The following MINDY2 variants were observed in gnomAD, a reference collection of about 807,000 sequenced individuals.
MINDY2 encodes ubiquitin carboxyl-terminal hydrolase MINDY-2.
Under a neutral mutation model 68.2 loss-of-function variants are expected in MINDY2, and 52 were observed. That is an observed-to-expected ratio of 0.76 (90% CI 0.61 to 0.96). The LOEUF (loss-of-function observed/expected upper bound fraction) is 0.96. MINDY2 is among the 40% of genes least tolerant of loss of function. The pLI is 0.00. For missense variants in MINDY2, 881 were observed against 773.4 expected (o/e 1.14, Z -1.65); for synonymous variants, 372 against 303.0 (o/e 1.23, Z -2.36).
chr15:58,805,808 G>A (rs1299328750), intron 3 of MINDY2, among the ~76,000 whole-genome samples: 1 of 152,176 alleles, frequency 6.6e-6, no homozygotes, highest in African/African-American at 2.4e-5. Flanking sequence ...GGGCACAGTG[G>A]CACATGCCTG....
intron 3 of MINDY2, among the ~76,000 whole-genome samples, chr15:58,805,387 ACT>A (rs1331936894): frequency 6.6e-6 from 1 of 151,788 alleles, no homozygotes; most frequent in Non-Finnish European, 1.5e-5. Context: ...CCCATTTAAA[ACT>A]CTTTACCAGA....
At chr15:58,828,575 CTTTTTT>C (rs1163905877) in intron 5 of MINDY2, among the ~76,000 whole-genome samples, 81 of 106,118 alleles carry the variant, frequency 7.6e-4, no homozygotes, top group East Asian at 5.4e-3. Context: ...TATTGAATTT[CTTTTTT>C]TTTTTTTTTT....
At chr15:58,850,091 A>C (rs1470590008) in intron 7 of MINDY2, among the ~76,000 whole-genome samples, 2 of 152,150 alleles carry the variant, frequency 1.3e-5, no homozygotes, top group African/African-American at 4.8e-5. Context: ...TCTTATTTTG[A>C]GGGTAGATGG....
intron 2 of MINDY2, among the ~76,000 whole-genome samples, chr15:58,800,626 A>T (rs1256152640): frequency 8.0e-5 from 12 of 149,092 alleles, no homozygotes; most frequent in African/African-American, 2.9e-4. Flanking sequence ...TCCCATTGCC[A>T]TTCCAAGTTT....
chr15:58,795,509 G>A lies in MINDY2; in HGVS notation c.899-6804G>A, dbSNP rs1301167417. Among the ~76,000 whole-genome samples, 9 of 152,000 alleles carry A rather than the reference G, an allele frequency of 5.9e-5. No homozygotes were observed. In the East Asian group the frequency reaches 1.4e-3, roughly 23 times the overall value. Reference sequence around the variant, plus strand: ...CAAGCTCCACCTTCGGGTTCACGCCGTTCTCCTGCCTCAGCCTCCTGAGTA... The same window carrying A: ...CAAGCTCCACCTTCGGGTTCACGCCATTCTCCTGCCTCAGCCTCCTGAGTA... On this transcript the variant is annotated intron_variant, in intron 2 of 8. Coordinates refer to ENST00000559228, the MANE Select transcript of MINDY2 (RefSeq NM_001040450.3).
chr15:58,774,414 G>T (rs570857422), intron 1 of MINDY2, among the ~76,000 whole-genome samples: 2 of 151,284 alleles, frequency 1.3e-5, no homozygotes, highest in African/African-American at 4.9e-5. Context: ...AACCCAGGAG[G>T]TGGAGGTTGC....
In MINDY2 at chr15:58,772,204, C is replaced by T. The variant is rs375082729; in HGVS notation, c.809C>T (p.Ala270Val). 10 of 1,612,928 alleles carry T rather than the reference C, an allele frequency of 6.2e-6. No homozygotes were observed. The highest frequency in any genetic ancestry group is 8.5e-6 in the Non-Finnish European group (10 of 1,180,018). The change falls in exon 1 of 9, where the codon GCC (alanine) becomes GTC (valine). Residue 270 changes from alanine to valine, a missense_variant. By Grantham distance (64) the Ala-to-Val change is moderately conservative. Coordinates refer to ENST00000559228, the MANE Select transcript of MINDY2 (RefSeq NM_001040450.3). ...GAGAACGGACCCTGCCCCTTGCTGG[C>T]CATCCTCAATGTTTTGCTCCTGGCC... ...QNENGPCPLL[A>V]ILNVLLLAWK...
At position 58,856,063 on chromosome 15, in the gene MINDY2, C is replaced by T. The variant is rs1345269205; in HGVS notation, c.*1453C>T. 6.6e-6 allele frequency: 1 copy of T among 152,586 alleles called. No individual in the cohort carries two copies. Among genetic ancestry groups the T allele is most frequent in the Non-Finnish European group, 1.5e-5 (1 of 68,034 alleles). 9.5% of individuals were successfully genotyped at this position (152,586 alleles called of 1,614,324 possible). On this transcript the variant is annotated 3_prime_UTR_variant, in exon 9 of 9. Transcript: ENST00000559228. ...TTTATTTAACTTTATTATGAGGCCA[C>T]ACATATTTTCCTGTGTTTCTATATA...
intron 4 of MINDY2, among the ~76,000 whole-genome samples, chr15:58,812,768 G>A (rs1208622435): frequency 6.6e-6 from 1 of 152,218 alleles, no homozygotes; most frequent in African/African-American, 2.4e-5. Flanking sequence ...TGAGGTGGGA[G>A]GATCACTTGT....
intron 2 of MINDY2, among the ~76,000 whole-genome samples, chr15:58,798,458 A>ATTT (rs33978454): frequency 1.3e-3 from 186 of 144,054 alleles, no homozygotes; most frequent in Middle Eastern, 3.5e-3. Context: ...GTAAAAAAAA[A>ATTT]TTTTTTTTTT....
intron 1 of MINDY2, among the ~76,000 whole-genome samples, chr15:58,776,841 G>T: frequency 6.6e-6 from 1 of 151,756 alleles, no homozygotes; most frequent in East Asian, 1.9e-4. Flanking sequence ...GGGCAATATA[G>T]TGAGACCCCC....
At chr15:58,808,496 C>T (rs1186200226) in intron 3 of MINDY2, among the ~76,000 whole-genome samples, 3 of 152,108 alleles carry the variant, frequency 2.0e-5, no homozygotes, top group African/African-American at 7.2e-5. Context: ...GTTTTCTTTA[C>T]TACTACGCAT....
chr15:58,800,908 A>G (rs559194051), intron 2 of MINDY2, among the ~76,000 whole-genome samples: 11 of 152,176 alleles, frequency 7.2e-5, no homozygotes, highest in Admixed American at 5.9e-4. Context: ...CTCACAAAAA[A>G]TCAGTTAACT....
In MINDY2 at chr15:58,831,883, G is replaced by T. The variant is rs1314255397; in HGVS notation, c.1335G>T (p.Arg445=). 6.2e-7 allele frequency: 1 copy of T among 1,613,446 alleles called. No homozygotes were observed. Among genetic ancestry groups the T allele is most frequent in the Admixed American group, 1.7e-5 (1 of 59,954 alleles). ...VQEGELCVFF[R]NNHFSTMTKY... ...AAGGAGAACTTTGTGTGTTCTTTCG[G>T]AATAATCATTTTAGCACCATGACCA... The change falls in exon 6 of 9, where the codon CGG becomes CGT. Residue 445 remains arginine, a synonymous_variant. Transcript: ENST00000559228.
chr15:58,799,109 A>G (rs1902469350), intron 2 of MINDY2, among the ~76,000 whole-genome samples: 1 of 152,222 alleles, frequency 6.6e-6, no homozygotes. Flanking sequence ...GGAGAAGTGA[A>G]CAAGAATGAT....
chr15:58,826,746 CT>C (rs1164466108), intron 5 of MINDY2, among the ~76,000 whole-genome samples: 22 of 152,086 alleles, frequency 1.4e-4, no homozygotes, highest in African/African-American at 4.3e-4. Context: ...AGTAATGCCC[CT>C]AATAGCTTTT....
intron 3 of MINDY2, 70 bp from the exon 4 acceptor site, chr15:58,810,160 G>A (rs1222281889): frequency 7.5e-7 from 1 of 1,329,104 alleles, no homozygotes; most frequent in South Asian, 1.4e-5. Flanking sequence ...AAATGTGCTT[G>A]TACTTGAATA....
intron 1 of MINDY2, among the ~76,000 whole-genome samples, chr15:58,785,571 G>C (rs560621252): frequency 2.6e-5 from 4 of 152,102 alleles, no homozygotes; most frequent in African/African-American, 7.2e-5. Context: ...ACAGACAGTC[G>C]ACAGTAATTT....
intron 3 of MINDY2, among the ~76,000 whole-genome samples, chr15:58,803,945 G>GAAAAAAAAAAAAAAAAAAAAAAAAAAAA (rs34082956): frequency 1.3e-5 from 1 of 77,238 alleles, no homozygotes; most frequent in African/African-American, 5.1e-5. Flanking sequence ...CAGCTCTACT[G>GAAAAAAAAAAAAAAAAAAAAAAAAAAAA]AAAAAAAAAA....
Sources: gnomAD v4.1 joint callset for allele counts (sites outside exome capture counted in the v4.1 genomes callset) on GRCh38, gnomAD v4.1.1 for gene constraint, MANE v1.5 for transcripts, NCBI Gene and HGNC (gene_info 2026-07-23, HGNC 2026-07-21) for gene names.